Variants in CCBE1 observed in about 807,000 individuals in gnomAD.
The protein encoded by CCBE1 is collagen and calcium binding EGF domains 1.
In CCBE1, 37 loss-of-function variants were observed where a neutral mutation model predicts 50.0. That is an observed-to-expected ratio of 0.74 (90% CI 0.57 to 0.97). The LOEUF (loss-of-function observed/expected upper bound fraction) is 0.97. Ranked by LOEUF, CCBE1 falls within the 50% of genes least tolerant of loss-of-function variation. CCBE1 has a pLI of 0.00. For synonymous variants in CCBE1, 234 were observed against 203.7 expected (o/e 1.15, Z -1.27); for missense variants, 538 against 523.8 (o/e 1.03, Z -0.26).
intron 2 of CCBE1, among the ~76,000 whole-genome samples, chr18:59,696,129 A>G (rs1015504945): frequency 3.3e-5 from 5 of 152,120 alleles, no homozygotes; most frequent in African/African-American, 4.8e-5. Context: ...CTCTGCCCCA[A>G]CAATCTTTTT....
At chr18:59,510,237 A>G (rs921870049) in intron 2 of CCBE1, among the ~76,000 whole-genome samples, 4 of 152,146 alleles carry the variant, frequency 2.6e-5, no homozygotes, top group Non-Finnish European at 5.9e-5. Context: ...CATTAGCCAT[A>G]TTTCACTGTG....
intron 2 of CCBE1, among the ~76,000 whole-genome samples, chr18:59,675,233 C>G (rs912322409): frequency 1.3e-5 from 2 of 152,158 alleles, no homozygotes; most frequent in Non-Finnish European, 2.9e-5. Context: ...ATGGTGTTCT[C>G]TAGTAATGTG....
At chr18:59,604,408 A>C (rs1406377622) in intron 2 of CCBE1, among the ~76,000 whole-genome samples, 1 of 152,206 alleles carries the variant, frequency 6.6e-6, no homozygotes, top group Non-Finnish European at 1.5e-5. Flanking sequence ...TAGGGGTAGG[A>C]GGACACATAG....
intron 2 of CCBE1, among the ~76,000 whole-genome samples, chr18:59,572,012 A>T (rs190905908): frequency 6.6e-6 from 1 of 152,362 alleles, no homozygotes; most frequent in Admixed American, 6.5e-5. Flanking sequence ...TCCTTTTCAG[A>T]ATGATCAAAG....
At chr18:59,584,617 G>A (rs1175225548) in intron 2 of CCBE1, among the ~76,000 whole-genome samples, 2 of 152,292 alleles carry the variant, frequency 1.3e-5, no homozygotes, top group African/African-American at 4.8e-5. Context: ...CTGGTCTTGT[G>A]ATAGAGTTCT....
At chr18:59,635,040 C>T (rs1568245431) in intron 2 of CCBE1, among the ~76,000 whole-genome samples, 1 of 152,102 alleles carries the variant, frequency 6.6e-6, no homozygotes, top group Non-Finnish European at 1.5e-5. Context: ...TCTGAGAGCA[C>T]AAGAAATTCC....
intron 2 of CCBE1, among the ~76,000 whole-genome samples, chr18:59,548,659 A>C (rs1915800909): frequency 6.6e-6 from 1 of 152,132 alleles, no homozygotes; most frequent in African/African-American, 2.4e-5. Context: ...CAAGCAAAGA[A>C]ATACACTTTG....
intron 2 of CCBE1, among the ~76,000 whole-genome samples, chr18:59,518,368 G>C (rs933404043): frequency 2.6e-5 from 4 of 152,168 alleles, no homozygotes; most frequent in African/African-American, 9.7e-5. Context: ...GCACGTGCCT[G>C]TAATTCTAGC....
At chr18:59,496,059 G>T (rs970260967) in intron 2 of CCBE1, among the ~76,000 whole-genome samples, 1 of 152,198 alleles carries the variant, frequency 6.6e-6, no homozygotes, top group Admixed American at 6.5e-5. Context: ...GTCCTATGGA[G>T]TTTGTCACTT....
At chr18:59,688,691 T>C (rs914456777) in intron 2 of CCBE1, among the ~76,000 whole-genome samples, 1 of 152,224 alleles carries the variant, frequency 6.6e-6, no homozygotes, top group Non-Finnish European at 1.5e-5. Context: ...TGGCAGATTA[T>C]GCTCATTTCG....
intron 2 of CCBE1, among the ~76,000 whole-genome samples, chr18:59,488,508 G>T (rs550839011): frequency 4.5e-4 from 69 of 152,254 alleles, no homozygotes; most frequent in African/African-American, 1.5e-3. Context: ...GTTATTAAAT[G>T]GGGCTAAGGT....
At chr18:59,675,668 A>G (rs2054491419) in intron 2 of CCBE1, among the ~76,000 whole-genome samples, 1 of 152,228 alleles carries the variant, frequency 6.6e-6, no homozygotes, top group African/African-American at 2.4e-5. Flanking sequence ...TGAGGAAAAC[A>G]TGCATCAGAG....
intron 2 of CCBE1, among the ~76,000 whole-genome samples, chr18:59,539,414 T>C (rs1291693137): frequency 6.6e-6 from 1 of 152,128 alleles, no homozygotes; most frequent in African/African-American, 2.4e-5. Context: ...AATAACCATA[T>C]GAGCCTGGAA....
chr18:59,439,842 C>T (rs1910339250), intron 7 of CCBE1, 26 bp from the exon 8 acceptor site: 1 of 1,612,192 alleles, frequency 6.2e-7, no homozygotes, highest in African/African-American at 1.3e-5. Context: ...ACCTCATTAG[C>T]TCACAGCACA....
At chr18:59,610,174 A>G (rs1230050908) in intron 2 of CCBE1, among the ~76,000 whole-genome samples, 1 of 152,240 alleles carries the variant, frequency 6.6e-6, no homozygotes, top group East Asian at 1.9e-4. Flanking sequence ...ACAGTGGCTA[A>G]ATCTGGCTGG....
At chr18:59,569,395 T>A (rs548691639) in intron 2 of CCBE1, among the ~76,000 whole-genome samples, 1 of 152,352 alleles carries the variant, frequency 6.6e-6, no homozygotes, top group East Asian at 1.9e-4. Flanking sequence ...TGCCATGAAC[T>A]ATTCACTAGT....
chr18:59,687,992 A>G (rs2054680008), intron 2 of CCBE1, among the ~76,000 whole-genome samples: 1 of 152,156 alleles, frequency 6.6e-6, no homozygotes, highest in African/African-American at 2.4e-5. Context: ...TCACTGATAT[A>G]TTCTGCATAG....
intron 2 of CCBE1, among the ~76,000 whole-genome samples, chr18:59,672,697 C>A (rs111513418): frequency 3.3e-5 from 5 of 152,200 alleles, no homozygotes; most frequent in African/African-American, 1.2e-4. Flanking sequence ...CAAGCCCATA[C>A]AATTGTGAGC....
At chr18:59,530,845 C>G (rs1332257104) in intron 2 of CCBE1, among the ~76,000 whole-genome samples, 5 of 152,196 alleles carry the variant, frequency 3.3e-5, no homozygotes, top group Non-Finnish European at 7.3e-5. Context: ...TTAATCAATA[C>G]TATTAGGAAA....
Sources: allele counts gnomAD v4.1 joint callset (sites outside exome capture counted in the v4.1 genomes callset), GRCh38; gene constraint gnomAD v4.1.1; transcripts MANE v1.5; gene names NCBI Gene and HGNC (gene_info 2026-07-23, HGNC 2026-07-21).